TMEM181: variants seen among roughly 807,000 people sequenced by gnomAD.
TMEM181 encodes the protein G protein-coupled receptor 178.
Under a neutral mutation model 71.9 loss-of-function variants are expected in TMEM181, and 39 were observed. The ratio of observed to expected loss-of-function variants is 0.54; its 90% CI spans 0.42 to 0.71. The LOEUF is 0.71. TMEM181 is among the 30% of genes least tolerant of loss of function. The pLI is 0.00. For missense variants in TMEM181, 595 were observed against 583.0 expected (o/e 1.02, Z -0.21); for synonymous variants, 245 against 228.8 (o/e 1.07, Z -0.64).
rs1786893438 is a variant in TMEM181 at position 158,635,241 on chromosome 6, T to C, written c.*3353T>C. On this transcript the variant is annotated 3_prime_UTR_variant, in exon 17 of 17. Transcript: ENST00000684151. ...TGTAAAATAAAATAACACTAAACTT[T>C]AAGCCCAAAAGGAGAGATAGAGCCA... The C allele has an allele frequency of 6.6e-6, 1 of 152,184 alleles. No homozygotes were observed. The highest frequency in any genetic ancestry group is 6.5e-5 in the Admixed American group (1 of 15,276). The allele number at this position is 152,184 out of a possible 1,614,324, so 9.4% of individuals were successfully genotyped here. A position where few individuals can be genotyped will look rare whatever the true frequency, so the allele number is the denominator to read the frequency against.
At chr6:158,605,785 A>T (rs1784916588) in intron 7 of TMEM181, among the ~76,000 whole-genome samples, 1 of 152,110 alleles carries the variant, frequency 6.6e-6, no homozygotes, top group Admixed American at 6.5e-5. Context: ...AAATGCAGGC[A>T]TTGGGCTCGT....
At position 158,580,845 on chromosome 6, in the gene TMEM181, C is replaced by A. The variant is rs889433628; in HGVS notation, c.113-95C>A. 4 of 1,118,534 alleles carry A rather than the reference C, an allele frequency of 3.6e-6. No homozygotes were observed. The Admixed American group carries it at 7.4e-5, about 21-fold the overall frequency. 69.3% of individuals were successfully genotyped at this position (1,118,534 alleles called of 1,614,324 possible). A position where few individuals can be genotyped will look rare whatever the true frequency, so the allele number is the denominator to read the frequency against. On this transcript the variant is annotated intron_variant, in intron 2 of 16. Transcript: ENST00000684151. ...AAACCAGGTGAATTAAGGTCATCTC[C>A]GTGTAATGTGTGAGTCTTTCTTGGA...
In TMEM181 at chr6:158,560,104, C is replaced by T; in HGVS notation, c.-121C>T. The T allele has an allele frequency of 2.0e-6, 2 of 985,026 alleles. No homozygotes were observed. The highest frequency in any genetic ancestry group is 4.7e-5 in the South Asian group (1 of 21,290). 61.0% of individuals were successfully genotyped at this position (985,026 alleles called of 1,614,324 possible). The stretch of plus-strand genomic sequence containing the variant: ...TCGCGCTCTGATGAGTTTTCCGCGG[C>T]CGGCCGCTGCTCAGCCGCTGTCGCT... On this transcript the variant is annotated 5_prime_UTR_variant, in exon 1 of 17. Transcript: ENST00000684151.
At chr6:158,556,753 T>C (rs74885597), upstream of TMEM181, among the ~76,000 whole-genome samples, 1 of 134,538 alleles carries the variant, frequency 7.4e-6, no homozygotes, top group East Asian at 2.3e-4. Flanking sequence ...TGGCTCTATT[T>C]GTCAGGATTG....
At chr6:158,589,587 T>C in intron 5 of TMEM181, 85 bp from the exon 6 acceptor site, 1 of 986,974 alleles carries the variant, frequency 1.0e-6, no homozygotes, top group Non-Finnish European at 1.6e-6. Context: ...GCCCATCTGC[T>C]GTTGAAACGT....
At chr6:158,604,205 G>A (rs1296991047) in intron 6 of TMEM181, among the ~76,000 whole-genome samples, 1 of 152,180 alleles carries the variant, frequency 6.6e-6, no homozygotes, top group Non-Finnish European at 1.5e-5. Context: ...CCGTGGCTCT[G>A]CCTGGGTTCC....
Position 158,589,600 on chromosome 6 carries a change from T to C in TMEM181, c.382-72T>C, listed in dbSNP as rs771842405. ...CTGCCCATCTGCTGTTGAAACGTGT[T>C]ACTTCATGGGTTATTTGGCGGGAGC... On this transcript the variant is annotated intron_variant, in intron 5 of 16. Coordinates refer to ENST00000684151, the MANE Select transcript of TMEM181 (RefSeq NM_001376852.1). The C allele has an allele frequency of 3.1e-5, 36 of 1,169,602 alleles. No homozygotes were observed. In the East Asian group the frequency reaches 7.8e-4, roughly 25 times the overall value. The allele number at this position is 1,169,602 out of a possible 1,614,324, so 72.5% of individuals were successfully genotyped here. A position where few individuals can be genotyped will look rare whatever the true frequency, so the allele number is the denominator to read the frequency against.
intron 13 of TMEM181, chr6:158,626,705 A>T (rs1157250153): frequency 6.6e-6 from 3 of 457,162 alleles, no homozygotes; most frequent in South Asian, 4.6e-5. Context: ...GTTCAGTGCT[A>T]GGTGTGCACG....
At chr6:158,575,788 A>G (rs1234840145) in intron 2 of TMEM181, among the ~76,000 whole-genome samples, 1 of 152,204 alleles carries the variant, frequency 6.6e-6, no homozygotes, top group Non-Finnish European at 1.5e-5. Flanking sequence ...TCCTAAATGC[A>G]TTCCAGAGAA....
chr6:158,611,140 T>C, intron 10 of TMEM181: 1 of 528,174 alleles, frequency 1.9e-6, no homozygotes, highest in South Asian at 1.4e-5. Flanking sequence ...CCTGAGGGTC[T>C]GTGACTACTC....
At chr6:158,622,590 G>A (rs1355628302) in intron 10 of TMEM181, among the ~76,000 whole-genome samples, 1 of 152,212 alleles carries the variant, frequency 6.6e-6, no homozygotes, top group Non-Finnish European at 1.5e-5. Context: ...TTAAAACTTA[G>A]GGAATGCTTT....
chr6:158,615,663 AG>A (rs1275134419), intron 10 of TMEM181, among the ~76,000 whole-genome samples: 2 of 152,204 alleles, frequency 1.3e-5, no homozygotes, highest in African/African-American at 4.8e-5. Flanking sequence ...ATTTTTGTAT[AG>A]GGTGTAAGGA....
At chr6:158,537,629 GACCC>G (rs1253318159) in intron 1 of TMEM181, among the ~76,000 whole-genome samples, 1 of 152,166 alleles carries the variant, frequency 6.6e-6, no homozygotes. Context: ...GTCGGGACAG[GACCC>G]TATCGCGAGT....
At chr6:158,582,009 A>G (rs997384309) in intron 3 of TMEM181, among the ~76,000 whole-genome samples, 13 of 152,056 alleles carry the variant, frequency 8.5e-5, no homozygotes, top group Admixed American at 8.5e-4. Context: ...CTCTGTTCTC[A>G]CACTTCCCTG....
intron 2 of TMEM181, among the ~76,000 whole-genome samples, chr6:158,577,485 C>T (rs1364360013): frequency 6.6e-6 from 1 of 152,080 alleles, no homozygotes; most frequent in African/African-American, 2.4e-5. Context: ...CATACACACT[C>T]TGGGAGTCTG....
intron 1 of TMEM181, among the ~76,000 whole-genome samples, chr6:158,571,711 A>G (rs1478140603): frequency 2.6e-5 from 4 of 152,216 alleles, no homozygotes; most frequent in Non-Finnish European, 2.9e-5. Context: ...GCCAGCCTTC[A>G]CACTTTGCAG....
Position 158,600,320 on chromosome 6 carries a change from C to T in TMEM181, c.493-4947C>T, listed in dbSNP as rs1023696423. On this transcript the variant is annotated intron_variant, in intron 6 of 16. Transcript: ENST00000684151. ...GGATTACAGACATGCGCCACCACGT[C>T]TCTGTTTTTAGTAGAGACAGGGTTT... 2.6e-5 allele frequency among the ~76,000 whole-genome samples: 4 copies of T among 151,964 alleles called. No homozygotes were observed. The East Asian group carries it at 7.7e-4, about 29-fold the overall frequency.
At chr6:158,540,507 G>A (rs1379312992) in intron 1 of TMEM181, among the ~76,000 whole-genome samples, 3 of 152,200 alleles carry the variant, frequency 2.0e-5, no homozygotes, top group Non-Finnish European at 4.4e-5. Context: ...GTAGCAGAGC[G>A]CGGTGGCTCG....
Position 158,604,335 on chromosome 6 carries a change from CGT to C in TMEM181, c.493-916_493-915del, listed in dbSNP as rs35523450. Reference sequence around the variant, plus strand: ...AATCATCCTTGTGCATGCGTGCATGCGTGTGTGTGTGTGTGTGCGTGATGTTT... The same window carrying C: ...AATCATCCTTGTGCATGCGTGCATGCGTGTGTGTGTGTGTGCGTGATGTTT... On this transcript the variant is annotated intron_variant, in intron 6 of 16. Transcript: ENST00000684151. Among the ~76,000 whole-genome samples the C allele has an allele frequency of 4.7e-3, 717 of 151,198 alleles. 5 individuals carry two copies. The highest frequency in any genetic ancestry group is 0.015 in the African/African-American group (635 of 41,288).
Sources: allele counts gnomAD v4.1 joint callset (sites outside exome capture counted in the v4.1 genomes callset), GRCh38; gene constraint gnomAD v4.1.1; transcripts MANE v1.5; gene names NCBI Gene and HGNC (gene_info 2026-07-23, HGNC 2026-07-21).